The following TBC1D31 variants were observed in gnomAD, a reference collection of about 807,000 sequenced individuals.
TBC1D31 encodes the protein WD repeat domain 67.
A neutral mutation model predicts 132.9 loss-of-function variants in TBC1D31; 99 were observed. The ratio of observed to expected loss-of-function variants is 0.74; its 90% CI spans 0.63 to 0.88. The LOEUF is 0.88. Among genes scored for constraint, TBC1D31 ranks in the 40% least tolerant of loss-of-function variants. The probability of loss-of-function intolerance (pLI) is 0.00; values close to 1 mark genes in which losing one functional copy is unlikely to be tolerated. For synonymous variants in TBC1D31, 385 were observed against 419.4 expected (o/e 0.92, Z 1.00); for missense variants, 1,134 against 1,256.6 (o/e 0.90, Z 1.48).
chr8:123,099,644 G>A (rs1563694566), intron 6 of TBC1D31, among the ~76,000 whole-genome samples: 1 of 152,122 alleles, frequency 6.6e-6, no homozygotes, highest in Non-Finnish European at 1.5e-5. Flanking sequence ...GCTTTGATTA[G>A]CTATGGAAAG....
Position 123,126,159 on chromosome 8 carries a change from A to T in TBC1D31, c.1674A>T (p.Gln558His). 1 of 1,612,512 alleles carries T rather than the reference A, an allele frequency of 6.2e-7. No individual in the cohort carries two copies. The highest frequency in any genetic ancestry group is 8.5e-7 in the Non-Finnish European group (1 of 1,179,412). The stretch of plus-strand genomic sequence containing the variant: ...CATTTCATGACAAGGAACTGCTGCA[A>T]CACTTCATAGATCATGATATAACCT... ...VLAFHDKELL[Q>H]HFIDHDITSQ... is the part of the protein sequence containing the mutation. Residue 558 changes from glutamine (Q) to histidine (H), a missense_variant, in exon 12 of 22, where the codon CAA (glutamine) becomes CAT (histidine). Physicochemically the swap from Gln to His is conservative, Grantham distance 24. Coordinates refer to ENST00000287380, the MANE Select transcript of TBC1D31 (RefSeq NM_145647.4).
At chr8:123,101,098 C>G (rs1420026810) in intron 7 of TBC1D31, 91 bp downstream of exon 7, 3 of 993,098 alleles carry the variant, frequency 3.0e-6, no homozygotes, top group Non-Finnish European at 4.5e-6. Flanking sequence ...CTATTTCTAA[C>G]TTACCTGGAA....
chr8:123,159,268 G>GGA, the TBC1D31 span, among the ~76,000 whole-genome samples: 6 of 93,930 alleles, frequency 6.4e-5, no homozygotes, highest in South Asian at 7.0e-4. Flanking sequence ...ATTTGAACAG[G>GGA]AAAAAAAAAA....
intron 8 of TBC1D31, among the ~76,000 whole-genome samples, chr8:123,108,111 T>C (rs567963310): frequency 6.6e-6 from 1 of 152,310 alleles, no homozygotes; most frequent in South Asian, 2.1e-4. Context: ...TTCTCTTACA[T>C]TGGACTACCT....
intron 10 of TBC1D31, among the ~76,000 whole-genome samples, chr8:123,118,209 G>T (rs1235749383): frequency 6.6e-6 from 1 of 152,068 alleles, no homozygotes; most frequent in Non-Finnish European, 1.5e-5. Flanking sequence ...ACGGAAAAAT[G>T]ATATCAGTGG....
chr8:123,114,332 G>T (rs1176819756), intron 10 of TBC1D31, among the ~76,000 whole-genome samples: 2 of 151,942 alleles, frequency 1.3e-5, no homozygotes, highest in East Asian at 3.8e-4. Context: ...TGTTGTTGTT[G>T]TTGTTGAGAC....
At chr8:123,088,117 A>C (rs772543500) in intron 4 of TBC1D31, among the ~76,000 whole-genome samples, 3 of 152,134 alleles carry the variant, frequency 2.0e-5, no homozygotes, top group Non-Finnish European at 4.4e-5. Flanking sequence ...TGAACCCGGG[A>C]AACAGAGGTT....
chr8:123,095,798 C>T (rs975594982), intron 5 of TBC1D31, among the ~76,000 whole-genome samples: 2 of 152,234 alleles, frequency 1.3e-5, no homozygotes, highest in South Asian at 4.1e-4. Context: ...AGTCTGGGTT[C>T]TTTTTTGGGA....
the TBC1D31 span, among the ~76,000 whole-genome samples, chr8:123,164,520 G>T: frequency 6.6e-6 from 1 of 152,130 alleles, no homozygotes; most frequent in African/African-American, 2.4e-5. Flanking sequence ...TCAGGAGTTC[G>T]AGATCAGCCT....
At chr8:123,142,021 C>A (rs528634475) in intron 18 of TBC1D31, among the ~76,000 whole-genome samples, 1 of 151,890 alleles carries the variant, frequency 6.6e-6, no homozygotes, top group Non-Finnish European at 1.5e-5. Context: ...CTGCCACGCC[C>A]AGCTAATTTC....
intron 18 of TBC1D31, among the ~76,000 whole-genome samples, chr8:123,141,186 GAAGGAATAGTGACTTAAAAGAAAATGCA>G (rs1227168894): frequency 5.9e-5 from 9 of 152,092 alleles, no homozygotes; most frequent in African/African-American, 2.2e-4. Context: ...AAGAAAATAC[GAAGGAATAGTGACTTAAAAGAAAATGCA>G]AAGGAATAGT....
intron 2 of TBC1D31, among the ~76,000 whole-genome samples, chr8:123,080,258 A>G (rs1814991054): frequency 6.6e-6 from 1 of 152,198 alleles, no homozygotes; most frequent in Non-Finnish European, 1.5e-5. Context: ...AAAGAACAAT[A>G]CATTTTTAGA....
At chr8:123,105,075 T>G (rs1376680984) in intron 7 of TBC1D31, among the ~76,000 whole-genome samples, 2 of 152,236 alleles carry the variant, frequency 1.3e-5, no homozygotes, top group East Asian at 3.8e-4. Context: ...ATCATGTATC[T>G]TTATTATGTT....
intron 17 of TBC1D31, among the ~76,000 whole-genome samples, chr8:123,138,497 C>A (rs367622270): frequency 6.6e-6 from 1 of 152,110 alleles, no homozygotes; most frequent in Non-Finnish European, 1.5e-5. Context: ...TTGGTACATA[C>A]AATTTGTGTT....
At chr8:123,156,373 G>A (rs1357264759), downstream of TBC1D31, among the ~76,000 whole-genome samples, 4 of 151,004 alleles carry the variant, frequency 2.6e-5, no homozygotes, top group Admixed American at 6.6e-5. Flanking sequence ...CCTGGGAGGC[G>A]GAGGTTGCAG....
At chr8:123,150,949 G>A (rs1180825002) in intron 21 of TBC1D31, among the ~76,000 whole-genome samples, 3 of 152,112 alleles carry the variant, frequency 2.0e-5, no homozygotes, top group Admixed American at 6.5e-5. Context: ...CCAAAAAGAC[G>A]AGCTTTATAA....
intron 17 of TBC1D31, among the ~76,000 whole-genome samples, chr8:123,139,432 C>A (rs1189579289): frequency 1.3e-5 from 2 of 152,118 alleles, no homozygotes; most frequent in Non-Finnish European, 2.9e-5. Context: ...TTGTATATAA[C>A]CACTGATGTC....
intron 13 of TBC1D31, among the ~76,000 whole-genome samples, chr8:123,127,569 G>A (rs10112138): frequency 0.28 from 42,704 of 151,766 alleles, 6,149 homozygotes; most frequent in Admixed American, 0.35. Context: ...CACCACGCCC[G>A]GCTGCTTCTT....
At chr8:123,121,299 A>G (rs2130716544) in intron 11 of TBC1D31, among the ~76,000 whole-genome samples, 1 of 149,610 alleles carries the variant, frequency 6.7e-6, no homozygotes, top group South Asian at 2.1e-4. Flanking sequence ...CTATCTTCGC[A>G]TGCAAACATA....
Sources: gnomAD v4.1 joint callset for allele counts (sites outside exome capture counted in the v4.1 genomes callset) on GRCh38, gnomAD v4.1.1 for gene constraint, MANE v1.5 for transcripts, NCBI Gene and HGNC (gene_info 2026-07-23, HGNC 2026-07-21) for gene names.